The following KCNN1 variants were observed in gnomAD, a reference collection of about 807,000 sequenced individuals.
KCNN1 encodes the protein small conductance calcium-activated potassium channel protein 1.
KCNN1 carries 20 observed loss-of-function variants against 44.7 expected under a neutral mutation model. The observed-to-expected ratio is 0.45, with a 90% confidence interval of 0.32 to 0.65. The LOEUF (loss-of-function observed/expected upper bound fraction) is 0.65, where lower values mean the gene tolerates loss of function less well. KCNN1 is among the 30% of genes least tolerant of loss of function. The probability of loss-of-function intolerance (pLI) is 0.05; values close to 1 mark genes in which losing one functional copy is unlikely to be tolerated. For missense variants in KCNN1, 632 were observed against 785.3 expected, an observed-to-expected ratio of 0.80 and a Z score of 2.33; for synonymous variants, 324 against 341.7, an observed-to-expected ratio of 0.95 and a Z score of 0.57.
chr19:17,960,212 A>G (rs1489472916), intron 2 of KCNN1, among the ~76,000 whole-genome samples: 1 of 152,238 alleles, frequency 6.6e-6, no homozygotes, highest in South Asian at 2.1e-4. Flanking sequence ...CTGGCCTCCA[A>G]TGAGGCCATA....
chr19:17,988,432 G>C lies in KCNN1; in HGVS notation c.1077G>C (p.Ala359=). Residue 359 remains alanine (A), a synonymous_variant, in exon 6 of 10, where the codon GCG becomes GCC. Coordinates refer to ENST00000684775, the MANE Select transcript of KCNN1 (RefSeq NM_001386974.1). ...GCACACAGGGAGCTGGCTGTACCGC[G>C]CTCGTGGTGGCTGTGGTGGCTCGGA... ...LTGIMGAGCT[A]LVVAVVARKL... is the part of the protein sequence containing the mutation. 1 of 1,612,688 alleles carries C rather than the reference G, an allele frequency of 6.2e-7. No homozygotes were observed. The highest frequency in any genetic ancestry group is 8.5e-7 in the Non-Finnish European group (1 of 1,179,532).
At chr19:17,977,966 C>T (rs56294470) in intron 3 of KCNN1, among the ~76,000 whole-genome samples, 7 of 151,846 alleles carry the variant, frequency 4.6e-5, no homozygotes, top group African/African-American at 1.5e-4. Flanking sequence ...TAGTGGTTGC[C>T]GGGGGCTGGG....
chr19:17,985,165 C>T (rs1023171957), intron 4 of KCNN1, 147 bp from the exon 5 acceptor site: 8 of 641,460 alleles, frequency 1.2e-5, no homozygotes, highest in African/African-American at 7.5e-5. Context: ...GGAGAGGGTG[C>T]GCCTGTCCTG....
chr19:17,985,922 T>C (rs1457765907), intron 5 of KCNN1, among the ~76,000 whole-genome samples: 2 of 152,214 alleles, frequency 1.3e-5, no homozygotes, highest in African/African-American at 4.8e-5. Context: ...GTGAATGCCA[T>C]GGACATGCTA....
intron 1 of KCNN1, among the ~76,000 whole-genome samples, chr19:17,973,318 C>T (rs2032086582): frequency 6.6e-6 from 1 of 152,032 alleles, no homozygotes; most frequent in South Asian, 2.1e-4. Flanking sequence ...TCTCACTCTG[C>T]CACCCAGGCT....
At chr19:17,985,595 C>T in intron 5 of KCNN1, 142 bp downstream of exon 5, 1 of 696,644 alleles carries the variant, frequency 1.4e-6, no homozygotes, top group Non-Finnish European at 2.2e-6. Flanking sequence ...TGTCAGTCCA[C>T]CCCTCCCCTG....
In KCNN1 at chr19:17,993,534, C is replaced by A; in HGVS notation, c.1352C>A (p.Ala451Asp). Residue 451 changes from alanine (A) to aspartate (D), a missense_variant, in exon 9 of 10, where the codon GCT (alanine) becomes GAT (aspartate). Coordinates refer to ENST00000684775, the MANE Select transcript of KCNN1 (RefSeq NM_001386974.1). The surrounding 1 kb of genome is among the most constrained non-coding windows in gnomAD (Gnocchi z 4.5). ...KIEQGKLNDQ[A>D]NTLTDLAKTQ... ...GAGCAAGGGAAGCTGAACGACCAGG[C>A]TAACACGCTTACCGACCTAGCCAAG... 6.2e-7 allele frequency: 1 copy of A among 1,613,818 alleles called. No homozygotes were observed.
At chr19:17,981,565 AAAAGAAAGAAAG>A (rs370172112) in intron 3 of KCNN1, 132 bp from the exon 4 acceptor site, 34 of 701,184 alleles carry the variant, frequency 4.8e-5, no homozygotes, top group East Asian at 4.2e-4. Flanking sequence ...AAAAAAAAAA[AAAAGAAAGAAAG>A]AAAGAAAGAA....
intron 6 of KCNN1, 125 bp downstream of exon 6, chr19:17,988,650 T>C (rs902519923): frequency 1.3e-6 from 1 of 751,394 alleles, no homozygotes; most frequent in Non-Finnish European, 2.2e-6. Flanking sequence ...CAGCCCCGTG[T>C]CAAGACTGTG....
At position 17,993,494 on chromosome 19, in the gene KCNN1, C is replaced by T. The variant is rs1418671781; in HGVS notation, c.1312C>T (p.Arg438Trp). The part of the protein sequence containing the change: ...LQAIHQAQKL[R>W]SVKIEQGKLN... ...CCCAACCCCGTGTCCCCACAGGCTC[C>T]GGAGTGTGAAGATCGAGCAAGGGAA... Residue 438 changes from arginine to tryptophan, a missense_variant, in exon 9 of 10, where the codon CGG (arginine) becomes TGG (tryptophan). Coordinates refer to ENST00000684775, the MANE Select transcript of KCNN1 (RefSeq NM_001386974.1). This position sits in a 1 kb window ranked among gnomAD's most constrained non-coding sequence, Gnocchi z 4.5. 1.9e-6 allele frequency: 3 copies of T among 1,613,464 alleles called. No individual in the cohort carries two copies. Among genetic ancestry groups the T allele is most frequent in the Non-Finnish European group, 2.5e-6 (3 of 1,179,594 alleles).
chr19:17,961,586 C>T (rs7255806), intron 2 of KCNN1, among the ~76,000 whole-genome samples: 30,854 of 129,534 alleles, frequency 0.24, 4,208 homozygotes, highest in African/African-American at 0.26. Context: ...TTCTTTCTTT[C>T]TTTTTTTTTT....
upstream of KCNN1, among the ~76,000 whole-genome samples, chr19:17,963,148 C>T (rs552206935): frequency 6.6e-6 from 1 of 151,062 alleles, no homozygotes; most frequent in South Asian, 2.1e-4. Flanking sequence ...GTTGGGATTA[C>T]AGGCGCCCGC....
chr19:17,992,946 C>T, intron 7 of KCNN1, 108 bp from the exon 8 acceptor site: 1 of 1,440,080 alleles, frequency 6.9e-7, no homozygotes, highest in South Asian at 1.2e-5. Flanking sequence ...GCGCGGGGCC[C>T]TAGGGTGGCA....
At chr19:17,960,121 G>C (rs2031644116) in intron 2 of KCNN1, among the ~76,000 whole-genome samples, 1 of 149,606 alleles carries the variant, frequency 6.7e-6, no homozygotes. Flanking sequence ...AAAAAAAAAA[G>C]AAAAAGAAAT....
intron 3 of KCNN1, 55 bp from the exon 4 acceptor site, chr19:17,981,654 A>AGGGAGCGCG: frequency 6.7e-7 from 1 of 1,489,284 alleles, no homozygotes; most frequent in Non-Finnish European, 9.0e-7. Context: ...GGGGCTGGGC[A>AGGGAGCGCG]GGGAGCGCGG....
At chr19:17,960,433 CAG>C (rs1199153025) in intron 2 of KCNN1, among the ~76,000 whole-genome samples, 1 of 152,104 alleles carries the variant, frequency 6.6e-6, no homozygotes, top group Non-Finnish European at 1.5e-5. Flanking sequence ...AGTTCGAGAC[CAG>C]CCTGGCCAAC....
At chr19:17,966,870 C>T (rs2031824851), upstream of KCNN1, among the ~76,000 whole-genome samples, 1 of 149,936 alleles carries the variant, frequency 6.7e-6, no homozygotes, top group South Asian at 2.1e-4. Context: ...GTTAGGAGGT[C>T]CGGAGGGCTG....
intron 2 of KCNN1, among the ~76,000 whole-genome samples, chr19:17,960,621 ACT>A (rs1439862716): frequency 6.7e-6 from 1 of 150,216 alleles, no homozygotes; most frequent in East Asian, 1.9e-4. Flanking sequence ...CAGGAGCGAA[ACT>A]CTGTCTCAAA....
intron 1 of KCNN1, among the ~76,000 whole-genome samples, chr19:17,968,273 G>A (rs553411384): frequency 2.0e-5 from 3 of 152,198 alleles, no homozygotes; most frequent in African/African-American, 2.4e-5. Context: ...GAGCAGGGGC[G>A]GTCTGCCTTG....
Sources: allele counts gnomAD v4.1 joint callset (sites outside exome capture counted in the v4.1 genomes callset), GRCh38; gene constraint gnomAD v4.1.1; non-coding constraint Gnocchi (gnomAD v3.1); transcripts MANE v1.5; gene names NCBI Gene and HGNC (gene_info 2026-07-23, HGNC 2026-07-21).